Variants in RSPO3 observed in about 807,000 individuals in gnomAD.
RSPO3 encodes R-spondin 3, also known as R-spondin-3.
Under a neutral mutation model 36.5 loss-of-function variants are expected in RSPO3, and 17 were observed. The observed-to-expected ratio is 0.47, with a 90% CI of 0.32 to 0.70. The LOEUF is 0.70. RSPO3 is among the 30% of genes least tolerant of loss of function. The pLI is 0.04. For synonymous variants in RSPO3, 108 were observed against 107.0 expected (o/e 1.01, Z -0.06); for missense variants, 294 against 322.5 (o/e 0.91, Z 0.68).
chr6:127,167,322 T>C (rs767118894), intron 4 of RSPO3, among the ~76,000 whole-genome samples: 8 of 151,974 alleles, frequency 5.3e-5, no homozygotes, highest in Non-Finnish European at 8.8e-5. Flanking sequence ...TTTTCCCTCG[T>C]GTGTCCATGC....
intron 4 of RSPO3, among the ~76,000 whole-genome samples, chr6:127,178,625 T>A (rs1275567046): frequency 2.0e-5 from 3 of 151,758 alleles, no homozygotes; most frequent in Non-Finnish European, 4.4e-5. Context: ...ATAAATGGAA[T>A]CAATAAAAAT....
chr6:127,162,532 C>A (rs955667864), intron 4 of RSPO3, among the ~76,000 whole-genome samples: 4 of 152,040 alleles, frequency 2.6e-5, no homozygotes, highest in African/African-American at 7.2e-5. Context: ...TTGTAAAGGG[C>A]AGAACAGGAA....
chr6:127,198,499 T>C lies in RSPO3; in HGVS notation c.*2492T>C, dbSNP rs1775558072. On this transcript the variant is annotated 3_prime_UTR_variant, in exon 5 of 5. Coordinates refer to ENST00000356698, the MANE Select transcript of RSPO3 (RefSeq NM_032784.5). Reference sequence around the variant, plus strand: ...AGAAGGTGTTAACTTTCTACTCTGATTCTGTCTCCATAATGGGGTAAACTG... The same window carrying C: ...AGAAGGTGTTAACTTTCTACTCTGACTCTGTCTCCATAATGGGGTAAACTG... Among the ~76,000 whole-genome samples, 2 of 152,200 alleles carry C rather than the reference T, an allele frequency of 1.3e-5. No individual in the cohort carries two copies. The highest frequency in any genetic ancestry group is 2.1e-4 in the South Asian group (1 of 4,830).
intron 4 of RSPO3, among the ~76,000 whole-genome samples, chr6:127,182,038 G>GT (rs773638434): frequency 6.6e-6 from 1 of 151,876 alleles, no homozygotes; most frequent in Non-Finnish European, 1.5e-5. Context: ...GAACTGGCAC[G>GT]TGCAGATCAT....
At chr6:127,192,559 T>C (rs1775433130) in intron 4 of RSPO3, 21 of 583,916 alleles carry the variant, frequency 3.6e-5, no homozygotes, top group Non-Finnish European at 4.5e-5. Flanking sequence ...TGTTACACCA[T>C]AGTGCTTCTC....
intron 1 of RSPO3, among the ~76,000 whole-genome samples, chr6:127,143,383 T>C (rs1446018064): frequency 6.6e-6 from 1 of 152,126 alleles, no homozygotes. Flanking sequence ...TAGAATTCAG[T>C]TGGTCTCTTC....
intron 4 of RSPO3, among the ~76,000 whole-genome samples, chr6:127,179,477 A>G (rs1231100930): frequency 6.6e-6 from 1 of 152,028 alleles, no homozygotes; most frequent in East Asian, 1.9e-4. Flanking sequence ...CTCATAACCA[A>G]AACGATCTCA....
chr6:127,192,286 C>T (rs1332308904), intron 4 of RSPO3, among the ~76,000 whole-genome samples: 4 of 152,166 alleles, frequency 2.6e-5, no homozygotes, highest in South Asian at 2.1e-4. Flanking sequence ...GGGCTTTGTT[C>T]ATGTTTGTGC....
chr6:127,155,897 C>A (rs1184320465), intron 4 of RSPO3, among the ~76,000 whole-genome samples: 1 of 144,666 alleles, frequency 6.9e-6, no homozygotes, highest in Non-Finnish European at 1.5e-5. Context: ...TATATACACA[C>A]ACACACACAT....
Position 127,195,902 on chromosome 6 carries a change from G to A in RSPO3, c.714G>A (p.Leu238=). The part of the protein sequence containing the change: ...SKEAIPDSKS[L]ESSKEIPEQR... The stretch of plus-strand genomic sequence containing the variant: ...AAGCAATACCTGACAGCAAAAGTCT[G>A]GAATCCAGCAAAGAAATCCCAGAGC... The change falls in exon 5 of 5, where the codon CTG becomes CTA. Residue 238 remains leucine, a synonymous_variant. Transcript: ENST00000356698. The A allele has an allele frequency of 6.2e-7, 1 of 1,613,036 alleles. No homozygotes were observed. The highest frequency in any genetic ancestry group is 8.5e-7 in the Non-Finnish European group (1 of 1,179,390).
At chr6:127,167,876 TCA>T (rs1774853587) in intron 4 of RSPO3, among the ~76,000 whole-genome samples, 1 of 152,032 alleles carries the variant, frequency 6.6e-6, no homozygotes. Flanking sequence ...TTTTTTGTCC[TCA>T]TGATAGTTTG....
rs73771618 is a variant in RSPO3, at chr6:127,187,021, T to G, written c.635-8802T>G. On this transcript the variant is annotated intron_variant, in intron 4 of 4. Transcript: ENST00000356698. Reference sequence around the variant, plus strand: ...GAACTTTTTAAAGGGTAATATGAAATAAATATTTAATAAGTTCCATAGACT... The same window carrying G: ...GAACTTTTTAAAGGGTAATATGAAAGAAATATTTAATAAGTTCCATAGACT... Among the ~76,000 whole-genome samples the G allele has an allele frequency of 5.4e-3, 821 of 152,244 alleles. 6 individuals carry two copies. Among genetic ancestry groups the G allele is most frequent in the African/African-American group, 0.018 (750 of 41,530 alleles).
intron 1 of RSPO3, among the ~76,000 whole-genome samples, chr6:127,147,134 G>A (rs181223395): frequency 6.6e-6 from 1 of 152,218 alleles, no homozygotes; most frequent in African/African-American, 2.4e-5. Context: ...GAATGAGAAT[G>A]AGCTGCTTGT....
At chr6:127,119,437 G>C (rs1773789767) in intron 1 of RSPO3, 148 bp downstream of exon 1, 2 of 644,008 alleles carry the variant, frequency 3.1e-6, no homozygotes, top group Admixed American at 2.8e-5. Flanking sequence ...TTGGGGGTAT[G>C]GACGGCGTCT....
intron 4 of RSPO3, among the ~76,000 whole-genome samples, chr6:127,176,021 G>C (rs1775049476): frequency 6.6e-6 from 1 of 151,618 alleles, no homozygotes; most frequent in Non-Finnish European, 1.5e-5. Context: ...TGTGCCTTTG[G>C]ATGCTCTGTA....
chr6:127,198,716 G>A lies in RSPO3; in HGVS notation c.*2709G>A, dbSNP rs1239396320. ...TAGTAGCAGTTGTGTAACCACTAGT[G>A]AGTCACTTAACTCCTCTGGGTCCCC... On this transcript the variant is annotated 3_prime_UTR_variant, in exon 5 of 5. Coordinates refer to ENST00000356698, the MANE Select transcript of RSPO3 (RefSeq NM_032784.5). Among the ~76,000 whole-genome samples the A allele has an allele frequency of 5.9e-5, 9 of 152,148 alleles. No individual in the cohort carries two copies. Among genetic ancestry groups the A allele is most frequent in the African/African-American group, 2.2e-4 (9 of 41,432 alleles).
chr6:127,137,965 G>C (rs1320997404), intron 1 of RSPO3, among the ~76,000 whole-genome samples: 1 of 152,148 alleles, frequency 6.6e-6, no homozygotes, highest in Non-Finnish European at 1.5e-5. Flanking sequence ...ACTGCTTCCA[G>C]TAATCATTGA....
intron 4 of RSPO3, among the ~76,000 whole-genome samples, chr6:127,161,191 A>T (rs1247008301): frequency 1.3e-5 from 2 of 152,108 alleles, no homozygotes; most frequent in African/African-American, 4.8e-5. Flanking sequence ...TTTGTTGCCT[A>T]GGTTTTTGGG....
At chr6:127,175,715 A>G (rs982900857) in intron 4 of RSPO3, among the ~76,000 whole-genome samples, 1 of 151,752 alleles carries the variant, frequency 6.6e-6, no homozygotes, top group Non-Finnish European at 1.5e-5. Context: ...TGATGGCCTT[A>G]AACTGATTTT....
Sources: gnomAD v4.1 joint callset for allele counts (sites outside exome capture counted in the v4.1 genomes callset) on GRCh38, gnomAD v4.1.1 for gene constraint, MANE v1.5 for transcripts, NCBI Gene and HGNC (gene_info 2026-07-23, HGNC 2026-07-21) for gene names.